Variants in PAM observed in about 807,000 individuals in gnomAD.
PAM encodes peptidylglycine alpha-amidating monooxygenase.
In PAM, 72 loss-of-function variants were observed where a neutral mutation model predicts 122.1. The observed-to-expected ratio is 0.59, with a 90% confidence interval of 0.49 to 0.72. PAM has a LOEUF of 0.72. PAM is among the 30% of genes least tolerant of loss of function. The pLI, the probability that PAM is intolerant of heterozygous loss-of-function variation, is 0.00. For missense variants in PAM, 1,106 were observed against 1,183.7 expected (o/e 0.93, Z 0.96); for synonymous variants, 389 against 404.4 (o/e 0.96, Z 0.46).
intron 1 of PAM, among the ~76,000 whole-genome samples, chr5:102,802,817 G>A (rs994911544): frequency 6.6e-6 from 1 of 152,156 alleles, no homozygotes; most frequent in African/African-American, 2.4e-5. Context: ...TGATGTGCCA[G>A]TACTGTATGC....
chr5:102,795,189 CAAAAAA>C (rs33988105), intron 1 of PAM, among the ~76,000 whole-genome samples: 731 of 59,698 alleles, frequency 0.012, 2 homozygotes, highest in African/African-American at 0.045. Flanking sequence ...GACAATGTCT[CAAAAAA>C]AAAAAAAAAA....
chr5:102,939,547 C>T (rs1754395524), intron 7 of PAM, among the ~76,000 whole-genome samples: 1 of 152,084 alleles, frequency 6.6e-6, no homozygotes, highest in Non-Finnish European at 1.5e-5. Flanking sequence ...GAATTCAGGT[C>T]ACTGAAGGGT....
chr5:103,028,044 T>C (rs1785481360), intron 24 of PAM, 141 bp from the exon 25 acceptor site: 1 of 648,136 alleles, frequency 1.5e-6, no homozygotes, highest in African/African-American at 1.9e-5. Context: ...ACCGCCTTTC[T>C]TAAAAATTAG....
intron 17 of PAM, among the ~76,000 whole-genome samples, chr5:103,003,990 A>G (rs1307248276): frequency 1.3e-5 from 2 of 151,976 alleles, no homozygotes; most frequent in East Asian, 1.9e-4. Context: ...ATTTATGGTC[A>G]TTGAAAGAAG....
At chr5:102,985,185 A>G (rs1328098361) in intron 15 of PAM, among the ~76,000 whole-genome samples, 1 of 152,060 alleles carries the variant, frequency 6.6e-6, no homozygotes, top group Admixed American at 6.6e-5. Flanking sequence ...AGGAAGCAGA[A>G]CAAACCAAAC....
At chr5:102,907,116 G>T (rs143469034) in intron 4 of PAM, among the ~76,000 whole-genome samples, 8 of 151,772 alleles carry the variant, frequency 5.3e-5, no homozygotes, top group African/African-American at 1.7e-4. Context: ...TTATTTCTTA[G>T]TTAATTTGGT....
At chr5:102,897,674 C>G (rs7705496) in intron 3 of PAM, among the ~76,000 whole-genome samples, 3,128 of 151,626 alleles carry the variant, frequency 0.021, 98 homozygotes, top group African/African-American at 0.073. Context: ...CCAGATAAAA[C>G]TGCATCATGT....
intron 13 of PAM, among the ~76,000 whole-genome samples, chr5:102,960,289 T>C (rs935059581): frequency 1.3e-5 from 2 of 152,010 alleles, no homozygotes; most frequent in Non-Finnish European, 2.9e-5. Flanking sequence ...ATGAAACAGA[T>C]TCATTTTGGG....
intron 23 of PAM, among the ~76,000 whole-genome samples, chr5:103,022,793 A>G (rs1271955427): frequency 6.6e-6 from 1 of 152,130 alleles, no homozygotes; most frequent in Non-Finnish European, 1.5e-5. Context: ...AATTTAGGAT[A>G]AAGAGTGAAA....
At chr5:102,943,457 C>A (rs1755955547) in intron 7 of PAM, among the ~76,000 whole-genome samples, 1 of 152,118 alleles carries the variant, frequency 6.6e-6, no homozygotes, top group African/African-American at 2.4e-5. Context: ...TAATTAAGTA[C>A]CACTGGTTAC....
chr5:102,811,337 G>T (rs1767845832), intron 1 of PAM, among the ~76,000 whole-genome samples: 2 of 152,164 alleles, frequency 1.3e-5, no homozygotes, highest in African/African-American at 2.4e-5. Context: ...TCCTTTCCTT[G>T]TCTTTTCCAG....
intron 8 of PAM, among the ~76,000 whole-genome samples, chr5:102,947,259 G>C (rs1300656641): frequency 6.6e-6 from 1 of 152,192 alleles, no homozygotes; most frequent in Non-Finnish European, 1.5e-5. Context: ...GGCAGCTCAT[G>C]ATATGGCACC....
intron 1 of PAM, among the ~76,000 whole-genome samples, chr5:102,779,551 A>C (rs1204026753): frequency 6.6e-6 from 1 of 152,032 alleles, no homozygotes. Context: ...TGAAGGATGC[A>C]AAGTATTGTT....
chr5:102,987,434 T>G (rs1370208409), intron 15 of PAM: 3 of 406,020 alleles, frequency 7.4e-6, no homozygotes, highest in South Asian at 1.9e-5. Flanking sequence ...TACCAACATG[T>G]AGAGAGATGA....
At chr5:102,882,983 C>T (rs960839689) in intron 3 of PAM, among the ~76,000 whole-genome samples, 1 of 151,832 alleles carries the variant, frequency 6.6e-6, no homozygotes, top group Non-Finnish European at 1.5e-5. Context: ...GGGTCCTTTC[C>T]CCACTTTATG....
rs1782990278 is a variant in PAM, at chr5:103,019,598, C to T, written c.2432-192C>T. Among the ~76,000 whole-genome samples the T allele has an allele frequency of 2.0e-5, 3 of 152,240 alleles. No homozygotes were observed. In the South Asian group the frequency reaches 6.2e-4, roughly 32 times the overall value. On this transcript the variant is annotated intron_variant, in intron 22 of 25. Coordinates refer to ENST00000438793, the MANE Select transcript of PAM (RefSeq NM_001177306.2). ...AAGTCCTTAGAAATATTTTAGCTTT[C>T]CCTAGGAGATTTTATCCAGGATTCA...
intron 1 of PAM, among the ~76,000 whole-genome samples, chr5:102,764,077 C>T (rs1561379322): frequency 6.6e-6 from 1 of 151,928 alleles, no homozygotes; most frequent in Non-Finnish European, 1.5e-5. Flanking sequence ...GGGGGGAATA[C>T]CATTAATTGA....
At chr5:102,899,706 C>G (rs1797149926) in intron 3 of PAM, among the ~76,000 whole-genome samples, 1 of 151,694 alleles carries the variant, frequency 6.6e-6, no homozygotes, top group Admixed American at 6.6e-5. Context: ...GCCAACACCA[C>G]TTAAAGTGGT....
chr5:102,761,998 C>G (rs1752494367), intron 1 of PAM, among the ~76,000 whole-genome samples: 1 of 152,210 alleles, frequency 6.6e-6, no homozygotes, highest in African/African-American at 2.4e-5. Flanking sequence ...GGTAGAGTCC[C>G]TTGCATAAAG....
Sources: allele counts gnomAD v4.1 joint callset (sites outside exome capture counted in the v4.1 genomes callset), GRCh38; gene constraint gnomAD v4.1.1; transcripts MANE v1.5; gene names NCBI Gene and HGNC (gene_info 2026-07-23, HGNC 2026-07-21).